Variants in ASIC2 observed in about 807,000 individuals in gnomAD.
The protein encoded by ASIC2 is acid-sensing ion channel 2.
ASIC2 carries 25 observed loss-of-function variants against 57.3 expected under a neutral mutation model. The observed-to-expected ratio is 0.44, with a 90% CI of 0.32 to 0.61. The LOEUF (loss-of-function observed/expected upper bound fraction) is 0.61. ASIC2 is among the 20% of genes least tolerant of loss of function. ASIC2 has a pLI of 0.06. For missense variants in ASIC2, 641 were observed against 738.1 expected, an observed-to-expected ratio of 0.87 and a Z score of 1.52; for synonymous variants, 319 against 307.5, an observed-to-expected ratio of 1.04 and a Z score of -0.39.
intron 1 of ASIC2, among the ~76,000 whole-genome samples, chr17:33,387,170 G>A (rs1193203593): frequency 2.0e-5 from 3 of 152,150 alleles, no homozygotes; most frequent in African/African-American, 7.2e-5. Context: ...TTACAGGTGT[G>A]AGCCACTGCA....
At chr17:33,155,957 G>A (rs1004695428) in intron 1 of ASIC2, among the ~76,000 whole-genome samples, 3 of 152,084 alleles carry the variant, frequency 2.0e-5, no homozygotes, top group African/African-American at 7.2e-5. Flanking sequence ...CAGGCTTTGA[G>A]GTCAGACCTA....
At chr17:34,109,176 T>C (rs1911178156) in intron 1 of ASIC2, among the ~76,000 whole-genome samples, 1 of 152,168 alleles carries the variant, frequency 6.6e-6, no homozygotes, top group Non-Finnish European at 1.5e-5. Context: ...TCTTTTCTTA[T>C]CTTTTCTGGC....
intron 1 of ASIC2, among the ~76,000 whole-genome samples, chr17:33,680,107 A>G (rs901017926): frequency 6.6e-6 from 1 of 152,044 alleles, no homozygotes; most frequent in Admixed American, 6.5e-5. Flanking sequence ...CCTTGACTTC[A>G]CCTGAATGTC....
At chr17:33,237,803 T>A (rs560570011) in intron 1 of ASIC2, among the ~76,000 whole-genome samples, 1 of 152,354 alleles carries the variant, frequency 6.6e-6, no homozygotes, top group South Asian at 2.1e-4. Flanking sequence ...TTGGTGTTGC[T>A]ATTGCTAATG....
chr17:33,725,420 A>G (rs953099862), intron 1 of ASIC2, among the ~76,000 whole-genome samples: 23 of 152,054 alleles, frequency 1.5e-4, no homozygotes, highest in African/African-American at 5.5e-4. Flanking sequence ...GGAGGCAGGC[A>G]GGGCAGCCTG....
intron 1 of ASIC2, among the ~76,000 whole-genome samples, chr17:33,174,563 T>C (rs1232171135): frequency 6.6e-6 from 1 of 152,210 alleles, no homozygotes; most frequent in Non-Finnish European, 1.5e-5. Context: ...GGAGCTCACA[T>C]GCACATCTTA....
chr17:33,706,179 T>TGTATGA (rs1908855714), intron 1 of ASIC2, among the ~76,000 whole-genome samples: 2 of 147,854 alleles, frequency 1.4e-5, no homozygotes. Flanking sequence ...TGTGTGTGTG[T>TGTATGA]GTGTATGACT....
At chr17:34,009,358 T>C (rs1170919814) in intron 1 of ASIC2, among the ~76,000 whole-genome samples, 1 of 152,234 alleles carries the variant, frequency 6.6e-6, no homozygotes, top group Non-Finnish European at 1.5e-5. Flanking sequence ...ACTAGGTTAT[T>C]GAGCGCCTGC....
At chr17:33,508,403 A>G (rs900493247) in intron 1 of ASIC2, among the ~76,000 whole-genome samples, 1 of 152,196 alleles carries the variant, frequency 6.6e-6, no homozygotes, top group Non-Finnish European at 1.5e-5. Context: ...CTGTGTGGGC[A>G]GTGTGACAGC....
chr17:33,922,951 A>C (rs1406512119), intron 1 of ASIC2, among the ~76,000 whole-genome samples: 2 of 152,134 alleles, frequency 1.3e-5, no homozygotes, highest in African/African-American at 4.8e-5. Flanking sequence ...GGTCCTCTAG[A>C]GCGCATTTGC....
Position 33,389,562 on chromosome 17 carries a change from C to T in ASIC2, c.556-277495G>A, listed in dbSNP as rs183926167. ...GCAGAGCAAAGACAACATGAAAAAA[C>T]TATGAGGCTAGCTGTGATGAGTGAG... On this transcript the variant is annotated intron_variant, in intron 1 of 9. Transcript: ENST00000359872. Among the ~76,000 whole-genome samples the T allele has an allele frequency of 3.3e-5, 5 of 152,278 alleles. No homozygotes were observed. The East Asian group carries it at 9.7e-4, about 29-fold the overall frequency.
chr17:33,831,141 A>AAAAAAAAAAAC (rs1913097235), intron 1 of ASIC2, among the ~76,000 whole-genome samples: 1 of 120,308 alleles, frequency 8.3e-6, no homozygotes, highest in African/African-American at 3.3e-5. Flanking sequence ...AAAAAAAAAA[A>AAAAAAAAAAAC]AGCAAGTCCT....
chr17:33,383,846 C>G (rs983564581), intron 1 of ASIC2, among the ~76,000 whole-genome samples: 4 of 152,120 alleles, frequency 2.6e-5, no homozygotes, highest in African/African-American at 7.2e-5. Flanking sequence ...ACCAATTTAG[C>G]AGGGATTAAT....
intron 1 of ASIC2, among the ~76,000 whole-genome samples, chr17:33,908,850 G>A (rs1158130379): frequency 6.6e-6 from 1 of 152,132 alleles, no homozygotes; most frequent in Non-Finnish European, 1.5e-5. Context: ...TAAACCTCTA[G>A]TAGGTCTTCA....
At chr17:33,238,086 G>A (rs1198019107) in intron 1 of ASIC2, among the ~76,000 whole-genome samples, 1 of 152,152 alleles carries the variant, frequency 6.6e-6, no homozygotes, top group Non-Finnish European at 1.5e-5. Flanking sequence ...TAATAAAGGC[G>A]GCTGTTGTTT....
chr17:33,892,714 T>G (rs1156837846), intron 1 of ASIC2, among the ~76,000 whole-genome samples: 1 of 152,198 alleles, frequency 6.6e-6, no homozygotes, highest in East Asian at 1.9e-4. Flanking sequence ...AATCACATAG[T>G]TTTATTTCTC....
intron 1 of ASIC2, among the ~76,000 whole-genome samples, chr17:33,113,458 G>A (rs569961892): frequency 5.3e-5 from 8 of 152,332 alleles, no homozygotes; most frequent in Admixed American, 3.9e-4. Context: ...CAGGCTGACT[G>A]TATTGGATTC....
intron 1 of ASIC2, chr17:34,146,636 T>C (rs774687968): frequency 6.6e-6 from 1 of 152,198 alleles, no homozygotes; most frequent in Non-Finnish European, 1.5e-5. Context: ...GGCCACTGGC[T>C]GCCCCCAGGT....
intron 1 of ASIC2, among the ~76,000 whole-genome samples, chr17:33,463,995 C>T (rs906296981): frequency 6.7e-6 from 1 of 150,272 alleles, no homozygotes; most frequent in Non-Finnish European, 1.5e-5. Context: ...TGAGTGGCAT[C>T]TGAACACCTA....
Sources: gnomAD v4.1 joint callset for allele counts (sites outside exome capture counted in the v4.1 genomes callset) on GRCh38, gnomAD v4.1.1 for gene constraint, MANE v1.5 for transcripts, NCBI Gene and HGNC (gene_info 2026-07-23, HGNC 2026-07-21) for gene names.